CLDN14: variants seen among roughly 807,000 people sequenced by gnomAD.
CLDN14 encodes the protein claudin 14, also known as claudin-14.
Under a neutral mutation model 2.1 loss-of-function variants are expected in CLDN14, and 2 were observed. That is an observed-to-expected ratio of 0.96 (90% confidence interval 0.39 to 3.01). The LOEUF is 3.01. CLDN14 is among the 30% of genes most tolerant of loss of function. The pLI is 0.09. For synonymous variants in CLDN14, 136 were observed against 154.4 expected, an observed-to-expected ratio of 0.88 and a Z score of 0.88; for missense variants, 298 against 328.0, an observed-to-expected ratio of 0.91 and a Z score of 0.71.
At chr21:36,549,432 G>A (rs1223405018) in intron 1 of CLDN14, among the ~76,000 whole-genome samples, 1 of 152,214 alleles carries the variant, frequency 6.6e-6, no homozygotes, top group Non-Finnish European at 1.5e-5. Flanking sequence ...GAAGGAGCGT[G>A]TGGCCCCCGG....
intron 2 of CLDN14, among the ~76,000 whole-genome samples, chr21:36,497,352 AG>A (rs2087042356): frequency 1.7e-4 from 1 of 5,896 alleles, no homozygotes; most frequent in Non-Finnish European, 4.9e-4. Context: ...GGAGGGAGGG[AG>A]GGAGGGAGCG....
chr21:36,518,597 T>TCAAACAAA (rs34119785), intron 1 of CLDN14, among the ~76,000 whole-genome samples: 3,156 of 150,872 alleles, frequency 0.021, 59 homozygotes, highest in Non-Finnish European at 0.031. Flanking sequence ...AGACTCTGTC[T>TCAAACAAA]CAAACAAACA....
At chr21:36,547,813 A>T (rs2087536067) in intron 1 of CLDN14, among the ~76,000 whole-genome samples, 1 of 152,114 alleles carries the variant, frequency 6.6e-6, no homozygotes, top group African/African-American at 2.4e-5. Flanking sequence ...CCACCCTCTG[A>T]TCCTCCAAAG....
At chr21:36,561,103 T>C (rs1213775205) in intron 1 of CLDN14, among the ~76,000 whole-genome samples, 1 of 152,214 alleles carries the variant, frequency 6.6e-6, no homozygotes, top group Non-Finnish European at 1.5e-5. Flanking sequence ...ACCTTTTTCA[T>C]CCCATGCCGG....
chr21:36,508,456 A>T (rs1263170204), intron 2 of CLDN14, among the ~76,000 whole-genome samples: 2 of 152,206 alleles, frequency 1.3e-5, no homozygotes. Context: ...GACCAAGGGG[A>T]TTTGAAAACA....
intron 2 of CLDN14, among the ~76,000 whole-genome samples, chr21:36,488,222 C>CTTCCTTCCTTCT (rs2086918425): frequency 8.2e-6 from 1 of 121,802 alleles, no homozygotes; most frequent in Non-Finnish European, 1.8e-5. Context: ...TGTGATTCCC[C>CTTCCTTCCTTCT]TTCCTTCCTT....
At chr21:36,541,011 A>G (rs528242534) in intron 1 of CLDN14, among the ~76,000 whole-genome samples, 2 of 152,200 alleles carry the variant, frequency 1.3e-5, no homozygotes, top group Non-Finnish European at 2.9e-5. Flanking sequence ...TACACTTTGC[A>G]GGTAGAATTG....
chr21:36,501,332 CTTTTTTTTTTTTTTT>C lies in CLDN14; in HGVS notation c.-82+9016_-82+9030del, dbSNP rs58458004. On this transcript the variant is annotated intron_variant, in intron 2 of 2. Transcript: ENST00000342108. ...AATGGGAGTTTCAGTCAATATCTCA[CTTTTTTTTTTTTTTT>C]TTTTTTTTTTTTTTTTTTTTTAGAA... Among the ~76,000 whole-genome samples, 166 of 48,446 alleles carry C rather than the reference CTTTTTTTTTTTTTTT, an allele frequency of 3.4e-3. 4 individuals carry two copies. The Admixed American group carries it at 0.04, about 12-fold the overall frequency. The allele number at this position is 48,446 out of a possible 152,430, so 31.8% of individuals were successfully genotyped here. A position where few individuals can be genotyped will look rare whatever the true frequency, so the allele number is the denominator to read the frequency against.
At chr21:36,563,983 A>G (rs2087655572) in intron 1 of CLDN14, among the ~76,000 whole-genome samples, 3 of 152,204 alleles carry the variant, frequency 2.0e-5, no homozygotes, top group Admixed American at 1.3e-4. Flanking sequence ...CTAATGGGAA[A>G]GTGTATTCGA....
intron 1 of CLDN14, among the ~76,000 whole-genome samples, chr21:36,472,253 G>A (rs2086719115): frequency 6.6e-6 from 1 of 152,158 alleles, no homozygotes; most frequent in Admixed American, 6.5e-5. Context: ...AATAAAGGTG[G>A]GTGCCAGGAA....
chr21:36,474,478 CTA>C (rs773985646), intron 1 of CLDN14, among the ~76,000 whole-genome samples: 13 of 152,158 alleles, frequency 8.5e-5, no homozygotes, highest in Non-Finnish European at 1.9e-4. Context: ...ATTTTGATAA[CTA>C]TGTTTTACTA....
intron 1 of CLDN14, among the ~76,000 whole-genome samples, chr21:36,556,557 T>C (rs2087600446): frequency 1.3e-5 from 2 of 152,226 alleles, no homozygotes; most frequent in African/African-American, 4.8e-5. Context: ...ACTATGTCGC[T>C]TCTTTCCTCT....
intron 1 of CLDN14, among the ~76,000 whole-genome samples, chr21:36,555,745 C>A (rs576201378): frequency 6.6e-6 from 1 of 151,784 alleles, no homozygotes; most frequent in Admixed American, 6.6e-5. Context: ...CCTGAGACTG[C>A]AAATGTGAAC....
chr21:36,470,640 AAC>A (rs2086700073), intron 1 of CLDN14, among the ~76,000 whole-genome samples: 1 of 152,218 alleles, frequency 6.6e-6, no homozygotes. Context: ...CCAGGAAACA[AAC>A]ACAGCAGAGT....
chr21:36,528,088 C>T (rs1053273555), intron 1 of CLDN14, among the ~76,000 whole-genome samples: 7 of 152,276 alleles, frequency 4.6e-5, no homozygotes, highest in African/African-American at 1.4e-4. Context: ...ACAAAGCTGT[C>T]GGTTACTCTC....
At chr21:36,503,207 C>T (rs759007457) in intron 2 of CLDN14, among the ~76,000 whole-genome samples, 4 of 152,190 alleles carry the variant, frequency 2.6e-5, no homozygotes, top group Non-Finnish European at 5.9e-5. Flanking sequence ...GTGTGCACCA[C>T]CATTCCGGGC....
At chr21:36,564,229 A>C (rs1273373943) in intron 1 of CLDN14, among the ~76,000 whole-genome samples, 1 of 152,248 alleles carries the variant, frequency 6.6e-6, no homozygotes, top group Admixed American at 6.5e-5. Context: ...TGTCAAGAAT[A>C]TGTGTCAAGA....
intron 1 of CLDN14, among the ~76,000 whole-genome samples, chr21:36,523,781 G>GAGAGAGAGAGAGAAAGAAAGAA (rs1568868851): frequency 2.6e-5 from 1 of 38,344 alleles, no homozygotes; most frequent in African/African-American, 7.3e-5. Flanking sequence ...GAGAGAAAGA[G>GAGAGAGAGAGAGAAAGAAAGAA]AGAAAGAAAG....
rs375662 is a variant in CLDN14 at position 36,551,665 on chromosome 21, C to A, written c.-220+24746G>T. 0.74 allele frequency among the ~76,000 whole-genome samples: 112,338 copies of A among 152,066 alleles called. 42,903 individuals are homozygous for A. Among genetic ancestry groups the A allele is most frequent in the Non-Finnish European group, 0.85 (57,983 of 68,006 alleles). On this transcript the variant is annotated intron_variant, in intron 1 of 2. Coordinates refer to the CLDN14 transcript ENST00000342108. This position sits in a 1 kb window ranked among gnomAD's most constrained non-coding sequence, Gnocchi z 4.8. ...CCCTGAGCCAGCCCTGTTGCAACAG[C>A]TCCTCCTGAAGATCCCAGATGCTCC... is the stretch of plus-strand genomic sequence containing the variant.
Sources: gnomAD v4.1 joint callset for allele counts (sites outside exome capture counted in the v4.1 genomes callset) on GRCh38, gnomAD v4.1.1 for gene constraint, Gnocchi (gnomAD v3.1) non-coding constraint, MANE v1.5 for transcripts, NCBI Gene and HGNC (gene_info 2026-07-23, HGNC 2026-07-21) for gene names.